The following BAZ2B variants were observed in gnomAD, a reference collection of about 807,000 sequenced individuals.
BAZ2B encodes bromodomain adjacent to zinc finger domain 2B, also known as bromodomain adjacent to zinc finger domain protein 2B.
Under a neutral mutation model 246.0 loss-of-function variants are expected in BAZ2B, and 91 were observed. The ratio of observed to expected loss-of-function variants is 0.37; its 90% CI spans 0.31 to 0.44. BAZ2B has a LOEUF of 0.44. Ranked by LOEUF, BAZ2B falls within the 20% of genes least tolerant of loss-of-function variation. The pLI, the probability that BAZ2B is intolerant of heterozygous loss-of-function variation, is 1.00. For missense variants in BAZ2B, 2,332 were observed against 2,533.7 expected, an observed-to-expected ratio of 0.92 and a Z score of 1.71; for synonymous variants, 855 against 860.0, an observed-to-expected ratio of 0.99 and a Z score of 0.10.
chr2:159,329,350 A>T (rs1049832473), intron 34 of BAZ2B, among the ~76,000 whole-genome samples: 1 of 152,158 alleles, frequency 6.6e-6, no homozygotes, highest in Non-Finnish European at 1.5e-5. Context: ...TATGCAAATA[A>T]TATTCCATTT....
intron 6 of BAZ2B, among the ~76,000 whole-genome samples, chr2:159,442,488 C>G (rs952381628): frequency 6.6e-6 from 1 of 152,102 alleles, no homozygotes; most frequent in Non-Finnish European, 1.5e-5. Context: ...ATGTATACTT[C>G]CCCCTCATTT....
intron 2 of BAZ2B, among the ~76,000 whole-genome samples, chr2:159,539,927 T>C (rs1357794387): frequency 6.6e-6 from 1 of 152,162 alleles, no homozygotes; most frequent in Non-Finnish European, 1.5e-5. Flanking sequence ...AACACAAGTG[T>C]TACCTCATCA....
chr2:159,332,327 A>T (rs1438181646), intron 34 of BAZ2B, among the ~76,000 whole-genome samples: 1 of 13,494 alleles, frequency 7.4e-5, no homozygotes, highest in African/African-American at 1.2e-4. Context: ...TCTCTCTCTC[A>T]AAAAAAAAAA....
At chr2:159,358,156 GAC>G (rs1369549309) in intron 27 of BAZ2B, among the ~76,000 whole-genome samples, 1 of 152,136 alleles carries the variant, frequency 6.6e-6, no homozygotes, top group Non-Finnish European at 1.5e-5. Context: ...CCAATTAAAA[GAC>G]ACAGACTGGC....
At chr2:159,589,468 A>G (rs1435957468) in intron 1 of BAZ2B, among the ~76,000 whole-genome samples, 1 of 152,196 alleles carries the variant, frequency 6.6e-6, no homozygotes, top group African/African-American at 2.4e-5. Flanking sequence ...TATCAGCCAC[A>G]CTGTGAGGAA....
chr2:159,512,516 A>G (rs2083036022), intron 2 of BAZ2B, among the ~76,000 whole-genome samples: 1 of 152,192 alleles, frequency 6.6e-6, no homozygotes. Flanking sequence ...AAAACAGCCA[A>G]AAAAGGAAAA....
At chr2:159,343,806 C>T (rs2067197522) in intron 31 of BAZ2B, among the ~76,000 whole-genome samples, 2 of 151,798 alleles carry the variant, frequency 1.3e-5, no homozygotes, top group Admixed American at 1.3e-4. Flanking sequence ...GCGGGCAGAT[C>T]ACAAGGTCAG....
chr2:159,524,440 C>T (rs914697742), intron 2 of BAZ2B, among the ~76,000 whole-genome samples: 9 of 151,980 alleles, frequency 5.9e-5, no homozygotes, highest in Non-Finnish European at 1.2e-4. Flanking sequence ...GGCAACAGAG[C>T]GCAACCCCAT....
At chr2:159,654,438 A>C in the BAZ2B span, among the ~76,000 whole-genome samples, 1 of 152,200 alleles carries the variant, frequency 6.6e-6, no homozygotes, top group Non-Finnish European at 1.5e-5. Context: ...CAGAGAATCC[A>C]AGACAAAAAA....
At chr2:159,537,133 T>C (rs1370315977) in intron 2 of BAZ2B, among the ~76,000 whole-genome samples, 1 of 152,176 alleles carries the variant, frequency 6.6e-6, no homozygotes, top group Non-Finnish European at 1.5e-5. Flanking sequence ...AAGGACATGA[T>C]ACTAAGTGAA....
At position 159,344,409 on chromosome 2, in the gene BAZ2B, C is replaced by T. The variant is rs1002574814; in HGVS notation, c.5454+3077G>A. ...ATTAGCCAGGCGTGGTGGTGCATGC[C>T]TGTAATCCCAGCTACTCAGGAGGCT... On this transcript the variant is annotated intron_variant, in intron 31 of 36. Coordinates refer to ENST00000392783, the MANE Select transcript of BAZ2B (RefSeq NM_013450.4). Among the ~76,000 whole-genome samples, 17 of 152,024 alleles carry T rather than the reference C, an allele frequency of 1.1e-4. 1 individual carries two copies. The highest frequency in any genetic ancestry group is 2.4e-5 in the African/African-American group (1 of 41,476).
the BAZ2B span, among the ~76,000 whole-genome samples, chr2:159,629,282 T>C: frequency 3.3e-5 from 5 of 152,314 alleles, no homozygotes; most frequent in East Asian, 1.9e-4. Context: ...CTCAAGGATC[T>C]AGAACTAGAA....
upstream of BAZ2B, among the ~76,000 whole-genome samples, chr2:159,617,892 G>T (rs1009978770): frequency 6.6e-6 from 1 of 152,192 alleles, no homozygotes; most frequent in Admixed American, 6.5e-5. Context: ...GGAGCACTGG[G>T]GGAAGGGCAG....
chr2:159,629,758 G>A, the BAZ2B span, among the ~76,000 whole-genome samples: 22 of 152,064 alleles, frequency 1.4e-4, no homozygotes, highest in Admixed American at 1.3e-4. Flanking sequence ...AACCACCATG[G>A]CATTTGTATA....
intron 2 of BAZ2B, among the ~76,000 whole-genome samples, chr2:159,531,929 A>G (rs2085420667): frequency 6.6e-6 from 1 of 152,240 alleles, no homozygotes; most frequent in South Asian, 2.1e-4. Context: ...ATACACTTAC[A>G]TATACTTTCC....
intron 13 of BAZ2B, 64 bp from the exon 14 acceptor site, chr2:159,412,609 G>T: frequency 6.9e-7 from 1 of 1,441,388 alleles, no homozygotes; most frequent in Non-Finnish European, 9.4e-7. Flanking sequence ...AGATCAACAT[G>T]TAAGAAAATT....
At chr2:159,345,523 A>G (rs779738769) in intron 31 of BAZ2B, among the ~76,000 whole-genome samples, 24 of 152,236 alleles carry the variant, frequency 1.6e-4, no homozygotes, top group Non-Finnish European at 3.4e-4. Flanking sequence ...AACACAGCCA[A>G]GAACATTTAA....
intron 1 of BAZ2B, among the ~76,000 whole-genome samples, chr2:159,606,157 A>G (rs1693443951): frequency 6.6e-6 from 1 of 152,242 alleles, no homozygotes; most frequent in Admixed American, 6.5e-5. Context: ...GATATGTTCC[A>G]AAAGGACTTG....
At chr2:159,454,422 C>G (rs1333042772) in intron 3 of BAZ2B, among the ~76,000 whole-genome samples, 1 of 152,156 alleles carries the variant, frequency 6.6e-6, no homozygotes, top group East Asian at 1.9e-4. Context: ...TACAGTCTAC[C>G]ACACACCTAG....
Sources: allele counts gnomAD v4.1 joint callset (sites outside exome capture counted in the v4.1 genomes callset), GRCh38; gene constraint gnomAD v4.1.1; transcripts MANE v1.5; gene names NCBI Gene and HGNC (gene_info 2026-07-23, HGNC 2026-07-21).